The following KANK1 variants were observed in gnomAD, a reference collection of about 807,000 sequenced individuals.
KANK1 encodes the protein KN motif and ankyrin repeat domain-containing protein 1.
A neutral mutation model predicts 106.2 loss-of-function variants in KANK1; 109 were observed. That is an observed-to-expected ratio of 1.03 (90% CI 0.88 to 1.20). The LOEUF (loss-of-function observed/expected upper bound fraction) is 1.20, where lower values mean the gene tolerates loss of function less well. KANK1 is among the 50% of genes most tolerant of loss of function. The pLI, the probability that KANK1 is intolerant of heterozygous loss-of-function variation, is 0.00. For synonymous variants in KANK1, 873 were observed against 652.2 expected (o/e 1.34, Z -5.16); for missense variants, 2,399 against 1,710.7 (o/e 1.40, Z -7.10).
At chr9:481,025 C>A (rs770336138) in intron 3 of KANK1, among the ~76,000 whole-genome samples, 1 of 152,182 alleles carries the variant, frequency 6.6e-6, no homozygotes, top group East Asian at 1.9e-4. Flanking sequence ...CACAGCCTAG[C>A]CTAGCCTACC....
chr9:718,443 G>A (rs953148109), intron 3 of KANK1, among the ~76,000 whole-genome samples: 5 of 151,278 alleles, frequency 3.3e-5, no homozygotes, highest in African/African-American at 9.7e-5. Context: ...TTCCCAAGTT[G>A]CTGGGACTAC....
intron 1 of KANK1, among the ~76,000 whole-genome samples, chr9:657,098 T>G (rs1842318895): frequency 6.6e-6 from 1 of 152,214 alleles, no homozygotes; most frequent in South Asian, 2.1e-4. Context: ...ATGACTTTAA[T>G]TACATGTATG....
chr9:740,736 G>A lies in KANK1; in HGVS notation c.3554-56G>A, dbSNP rs377745065. On this transcript the variant is annotated intron_variant, in intron 8 of 11. Coordinates refer to ENST00000382297, the MANE Select transcript of KANK1 (RefSeq NM_015158.5). ...CCATCCCTTCAGTGGCTTCGTAAGCGGCTGCTATTAGAAGGGGCTGCTTCC... is the reference window on the plus strand; with the variant it reads ...CCATCCCTTCAGTGGCTTCGTAAGCAGCTGCTATTAGAAGGGGCTGCTTCC... The A allele has an allele frequency of 3.5e-3, 5,448 of 1,570,432 alleles. 23 individuals are homozygous for A. Among genetic ancestry groups the A allele is most frequent in the Non-Finnish European group, 3.9e-3 (4,552 of 1,159,612 alleles).
intron 1 of KANK1, among the ~76,000 whole-genome samples, chr9:505,881 C>T (rs185912379): frequency 6.6e-6 from 1 of 152,188 alleles, no homozygotes; most frequent in Non-Finnish European, 1.5e-5. Context: ...GGTCTGTTTG[C>T]TTATATTGAA....
chr9:658,278 TA>T (rs1281613391), intron 1 of KANK1, among the ~76,000 whole-genome samples: 1 of 152,148 alleles, frequency 6.6e-6, no homozygotes, highest in Non-Finnish European at 1.5e-5. Context: ...CTCATCCGCT[TA>T]AACCCATCAA....
intron 1 of KANK1, among the ~76,000 whole-genome samples, chr9:552,572 C>T (rs1365141918): frequency 6.6e-6 from 1 of 152,164 alleles, no homozygotes; most frequent in African/African-American, 2.4e-5. Context: ...AAGGGAACTG[C>T]TCATTTGAAT....
intron 1 of KANK1, among the ~76,000 whole-genome samples, chr9:619,870 C>A (rs1284706807): frequency 6.6e-6 from 1 of 152,076 alleles, no homozygotes; most frequent in African/African-American, 2.4e-5. Flanking sequence ...GGTGCAGTGA[C>A]TCACGCTTGT....
chr9:512,588 G>A (rs1034189910), intron 1 of KANK1, among the ~76,000 whole-genome samples: 3 of 152,096 alleles, frequency 2.0e-5, no homozygotes, highest in African/African-American at 4.8e-5. Flanking sequence ...AGCACCTTGG[G>A]TAAACCAGTT....
chr9:628,927 A>C (rs1292007101), intron 1 of KANK1, among the ~76,000 whole-genome samples: 1 of 151,532 alleles, frequency 6.6e-6, no homozygotes, highest in Non-Finnish European at 1.5e-5. Flanking sequence ...AAAAATACAA[A>C]AAATTAGCTG....
intron 1 of KANK1, among the ~76,000 whole-genome samples, chr9:658,680 A>G (rs768022530): frequency 1.3e-5 from 2 of 152,240 alleles, no homozygotes; most frequent in African/African-American, 2.4e-5. Context: ...AAGAAGATTC[A>G]TTATTTTGAC....
intron 9 of KANK1, among the ~76,000 whole-genome samples, chr9:741,948 C>T (rs1364147563): frequency 1.3e-5 from 2 of 152,166 alleles, no homozygotes; most frequent in African/African-American, 4.8e-5. Flanking sequence ...ACCACCTGAA[C>T]TTCCAGCCCC....
intron 1 of KANK1, among the ~76,000 whole-genome samples, chr9:636,916 AC>A (rs1331690259): frequency 6.6e-6 from 1 of 152,178 alleles, no homozygotes; most frequent in African/African-American, 2.4e-5. Context: ...CAGAGAGCCA[AC>A]CTTTCCCTCA....
At chr9:628,868 C>A (rs7867144) in intron 1 of KANK1, among the ~76,000 whole-genome samples, 1 of 151,524 alleles carries the variant, frequency 6.6e-6, no homozygotes, top group East Asian at 1.9e-4. Flanking sequence ...CACTTGAGGC[C>A]AGGAGTTCAA....
Position 738,392 on chromosome 9 carries a change from C to T in KANK1, c.3441C>T (p.Ser1147=), listed in dbSNP as rs767507386. The T allele has an allele frequency of 4.3e-6, 7 of 1,614,104 alleles. No individual in the cohort carries two copies. In the South Asian group the frequency reaches 7.7e-5, roughly 18 times the overall value. ...ACATAGCTGCTTTTGAGGCCATTTC[C>T]CCAGATGTCCTCCGCTATGTCATCA... ...GDYIAAFEAI[S]PDVLRYVINL... The change falls in exon 8 of 12, where the codon TCC becomes TCT. Residue 1147 remains serine (S), a synonymous_variant. Coordinates refer to ENST00000382297, the MANE Select transcript of KANK1 (RefSeq NM_015158.5).
intron 1 of KANK1, among the ~76,000 whole-genome samples, chr9:592,475 C>T (rs987905665): frequency 1.5e-5 from 2 of 133,076 alleles, no homozygotes; most frequent in African/African-American, 6.0e-5. Context: ...TTTCTGTGAG[C>T]ACCCCGATCC....
chr9:654,803 G>C (rs931415513), intron 1 of KANK1, among the ~76,000 whole-genome samples: 15 of 98,224 alleles, frequency 1.5e-4, no homozygotes, highest in Non-Finnish European at 2.6e-4. Context: ...ATGCATTTGT[G>C]TGTGTGTGTG....
At chr9:743,519 CAA>C (rs1343710393) in intron 10 of KANK1, among the ~76,000 whole-genome samples, 1 of 152,078 alleles carries the variant, frequency 6.6e-6, no homozygotes, top group African/African-American at 2.4e-5. Flanking sequence ...AAGATTAAAC[CAA>C]AGAGAACTGT....
intron 1 of KANK1, among the ~76,000 whole-genome samples, chr9:583,366 G>A (rs1173038851): frequency 1.3e-5 from 2 of 152,180 alleles, no homozygotes; most frequent in East Asian, 1.9e-4. Flanking sequence ...TCCTCAGTAA[G>A]TAGCAGCAAT....
intron 1 of KANK1, among the ~76,000 whole-genome samples, chr9:672,466 A>G (rs556358692): frequency 6.6e-6 from 1 of 152,282 alleles, no homozygotes; most frequent in East Asian, 1.9e-4. Context: ...GTAGTACTTA[A>G]TGTTACACTT....
Sources: gnomAD v4.1 joint callset for allele counts (sites outside exome capture counted in the v4.1 genomes callset) on GRCh38, gnomAD v4.1.1 for gene constraint, MANE v1.5 for transcripts, NCBI Gene and HGNC (gene_info 2026-07-23, HGNC 2026-07-21) for gene names.